The following FAM168A variants were observed in gnomAD, a reference collection of about 807,000 sequenced individuals.
FAM168A encodes family with sequence similarity 168 member A.
FAM168A carries 3 observed loss-of-function variants against 28.5 expected under a neutral mutation model. The observed-to-expected ratio is 0.11, with a 90% CI of 0.05 to 0.27. The LOEUF is 0.27. Ranked by LOEUF, FAM168A falls within the 10% of genes least tolerant of loss-of-function variation. FAM168A has a pLI of 1.00. For missense variants in FAM168A, 222 were observed against 311.5 expected (o/e 0.71, Z 2.16); for synonymous variants, 122 against 124.2 (o/e 0.98, Z 0.12).
chr11:73,472,878 C>G (rs900410798), intron 1 of FAM168A, among the ~76,000 whole-genome samples: 5 of 152,076 alleles, frequency 3.3e-5, no homozygotes, highest in Non-Finnish European at 1.5e-5. Flanking sequence ...GGGTGAAGAA[C>G]AGAAATCTGG....
intron 1 of FAM168A, among the ~76,000 whole-genome samples, chr11:73,493,814 A>T (rs1854810550): frequency 6.6e-6 from 1 of 152,236 alleles, no homozygotes; most frequent in Non-Finnish European, 1.5e-5. Flanking sequence ...GGAGATGGAG[A>T]GAGGAAAGAA....
At chr11:73,488,597 C>T (rs1303205893) in intron 1 of FAM168A, among the ~76,000 whole-genome samples, 1 of 152,180 alleles carries the variant, frequency 6.6e-6, no homozygotes, top group Non-Finnish European at 1.5e-5. Context: ...GCTCCCACCA[C>T]ATTTACCTAC....
intron 2 of FAM168A, among the ~76,000 whole-genome samples, chr11:73,456,844 C>G (rs1590790011): frequency 1.3e-5 from 2 of 152,180 alleles, no homozygotes. Flanking sequence ...CCAGTGGCTA[C>G]CATCCTCCAA....
intron 2 of FAM168A, among the ~76,000 whole-genome samples, chr11:73,434,123 C>T (rs1259266913): frequency 1.3e-5 from 2 of 152,086 alleles, no homozygotes; most frequent in East Asian, 1.9e-4. Context: ...GGATTACAGG[C>T]GTGAGCTATC....
intron 1 of FAM168A, among the ~76,000 whole-genome samples, chr11:73,522,962 G>C (rs1182981536): frequency 1.3e-5 from 2 of 152,018 alleles, no homozygotes; most frequent in Non-Finnish European, 2.9e-5. Flanking sequence ...GCAGTGAGCA[G>C]AGATAACACC....
chr11:73,556,524 T>C (rs1001360582), intron 1 of FAM168A, among the ~76,000 whole-genome samples: 1 of 151,480 alleles, frequency 6.6e-6, no homozygotes, highest in Non-Finnish European at 1.5e-5. Context: ...CGAATGGGGA[T>C]TGTCAGGGGG....
intron 1 of FAM168A, among the ~76,000 whole-genome samples, chr11:73,592,106 G>A (rs903252653): frequency 6.6e-6 from 1 of 152,226 alleles, no homozygotes; most frequent in Admixed American, 6.5e-5. Flanking sequence ...ATAATCTCAA[G>A]TAGCCAAGGA....
intron 2 of FAM168A, among the ~76,000 whole-genome samples, chr11:73,466,794 G>T (rs11823115): frequency 0.03 from 4,518 of 152,118 alleles, 223 homozygotes; most frequent in African/African-American, 0.1. Flanking sequence ...TAAAAATCAG[G>T]AAGTCTATGT....
At chr11:73,571,771 C>T (rs1944093371) in intron 1 of FAM168A, among the ~76,000 whole-genome samples, 1 of 151,632 alleles carries the variant, frequency 6.6e-6, no homozygotes, top group African/African-American at 2.4e-5. Flanking sequence ...AGCATCTCTG[C>T]CCGGCCGCCA....
chr11:73,527,126 C>T (rs571013226), intron 1 of FAM168A, among the ~76,000 whole-genome samples: 49 of 152,198 alleles, frequency 3.2e-4, no homozygotes, highest in South Asian at 1.2e-3. Context: ...ATCTTGTGTA[C>T]TGACCAGACC....
chr11:73,571,229 C>T (rs1333713982), intron 1 of FAM168A, among the ~76,000 whole-genome samples: 135 of 60,472 alleles, frequency 2.2e-3, no homozygotes, highest in Non-Finnish European at 2.7e-3. Context: ...CTCTCCCCCT[C>T]CCCCTCCCCC....
intron 1 of FAM168A, among the ~76,000 whole-genome samples, chr11:73,582,796 A>G (rs1944263575): frequency 6.6e-6 from 1 of 152,214 alleles, no homozygotes; most frequent in African/African-American, 2.4e-5. Context: ...CCATTTACCA[A>G]TGTGATCTGC....
At chr11:73,530,547 T>C (rs937768140) in intron 1 of FAM168A, among the ~76,000 whole-genome samples, 3 of 152,136 alleles carry the variant, frequency 2.0e-5, no homozygotes, top group Non-Finnish European at 4.4e-5. Context: ...ACAGCAGCCA[T>C]ACTCTCCTCT....
intron 1 of FAM168A, among the ~76,000 whole-genome samples, chr11:73,557,425 T>C (rs1016437522): frequency 2.0e-5 from 3 of 152,064 alleles, no homozygotes; most frequent in Non-Finnish European, 2.9e-5. Flanking sequence ...GGATGGGGTC[T>C]TACTATGTTG....
chr11:73,563,307 C>A (rs921688480), intron 1 of FAM168A, among the ~76,000 whole-genome samples: 3 of 152,306 alleles, frequency 2.0e-5, no homozygotes, highest in African/African-American at 7.2e-5. Flanking sequence ...AAGCAACTAT[C>A]CTCTGAGGAC....
chr11:73,521,338 G>A (rs549873236), intron 1 of FAM168A, among the ~76,000 whole-genome samples: 1 of 152,166 alleles, frequency 6.6e-6, no homozygotes, highest in African/African-American at 2.4e-5. Context: ...CTGTTCCTCA[G>A]GGACAAGAGA....
chr11:73,501,310 T>C (rs765039255), intron 1 of FAM168A, among the ~76,000 whole-genome samples: 43 of 152,162 alleles, frequency 2.8e-4, no homozygotes, highest in Admixed American at 5.2e-4. Flanking sequence ...ACAAGGATAT[T>C]CGGGACTTGA....
intron 1 of FAM168A, among the ~76,000 whole-genome samples, chr11:73,569,203 A>T (rs528881709): frequency 6.6e-6 from 1 of 152,364 alleles, no homozygotes; most frequent in South Asian, 2.1e-4. Flanking sequence ...AAAGCATAGG[A>T]TATAAAAATA....
chr11:73,559,807 T>C (rs1478239653), intron 1 of FAM168A, among the ~76,000 whole-genome samples: 1 of 152,192 alleles, frequency 6.6e-6, no homozygotes, highest in Non-Finnish European at 1.5e-5. Context: ...TTCACCTCAA[T>C]CCCTCAGTCA....
Sources: allele counts gnomAD v4.1 joint callset (sites outside exome capture counted in the v4.1 genomes callset), GRCh38; gene constraint gnomAD v4.1.1; transcripts MANE v1.5; gene names NCBI Gene and HGNC (gene_info 2026-07-23, HGNC 2026-07-21).